The following ADCY2 variants were observed in gnomAD, a reference collection of about 807,000 sequenced individuals.
ADCY2 encodes the protein adenylate cyclase 2.
In ADCY2, 31 loss-of-function variants were observed where a neutral mutation model predicts 125.2. That is an observed-to-expected ratio of 0.25 (90% CI 0.19 to 0.33). The LOEUF (loss-of-function observed/expected upper bound fraction) is 0.33, where lower values mean the gene tolerates loss of function less well. Among genes scored for constraint, ADCY2 ranks in the 10% least tolerant of loss-of-function variants. ADCY2 has a pLI of 1.00. For synonymous variants in ADCY2, 512 were observed against 548.4 expected, an observed-to-expected ratio of 0.93 and a Z score of 0.93; for missense variants, 904 against 1,418.2, an observed-to-expected ratio of 0.64 and a Z score of 5.82.
intron 22 of ADCY2, among the ~76,000 whole-genome samples, chr5:7,808,449 T>C (rs1744826584): frequency 6.6e-6 from 1 of 152,196 alleles, no homozygotes; most frequent in African/African-American, 2.4e-5. Flanking sequence ...CTCTAAATTC[T>C]TTCCCTGACC....
intron 4 of ADCY2, among the ~76,000 whole-genome samples, chr5:7,641,309 T>C (rs1208266008): frequency 6.6e-6 from 1 of 152,156 alleles, no homozygotes; most frequent in Non-Finnish European, 1.5e-5. Flanking sequence ...AATCTCTATC[T>C]ATATTTATTG....
rs766372435 is a variant in ADCY2, at chr5:7,802,091, G to A, written c.2629-127G>A. ...CTGGATTGGGCCGCGGCTGGGGTGG[G>A]GCAAGTGGAGTAGGCATTTGGGCGA... On this transcript the variant is annotated intron_variant, in intron 20 of 24. Transcript: ENST00000338316. This position sits in a 1 kb window ranked among gnomAD's most constrained non-coding sequence, Gnocchi z 4.6. 1.7e-4 allele frequency: 181 copies of A among 1,090,802 alleles called. No individual in the cohort carries two copies. Among genetic ancestry groups the A allele is most frequent in the Non-Finnish European group, 2.2e-4 (167 of 765,056 alleles). 67.6% of individuals were successfully genotyped at this position (1,090,802 alleles called of 1,614,324 possible).
Position 7,789,814 on chromosome 5 carries a change from G to C in ADCY2, c.2628+14G>C. On this transcript the variant is annotated intron_variant, in intron 20 of 24. Coordinates refer to ENST00000338316, the MANE Select transcript of ADCY2 (RefSeq NM_020546.3). ...CTGAAGAATGAGGTCAGACCAGGGG[G>C]GCTGGGGGCTGGGGGAGGGGGCTGG... The C allele has an allele frequency of 1.3e-6, 2 of 1,488,850 alleles. No homozygotes were observed. The highest frequency in any genetic ancestry group is 1.3e-5 in the South Asian group (1 of 78,630). 92.2% of individuals were successfully genotyped at this position (1,488,850 alleles called of 1,614,324 possible).
chr5:7,808,592 G>A (rs556809821), intron 22 of ADCY2, among the ~76,000 whole-genome samples: 47 of 152,264 alleles, frequency 3.1e-4, no homozygotes, highest in African/African-American at 1.0e-3. Context: ...CCATGTTCTA[G>A]GGAAAACAAG....
chr5:7,804,520 T>C, intron 21 of ADCY2, 65 bp from the exon 22 acceptor site: 1 of 1,233,306 alleles, frequency 8.1e-7, no homozygotes, highest in African/African-American at 1.5e-5. Flanking sequence ...AGAATGTCTC[T>C]ATAAAATGCT....
chr5:7,421,492 CA>C (rs1263303698), intron 2 of ADCY2, among the ~76,000 whole-genome samples: 4 of 152,214 alleles, frequency 2.6e-5, no homozygotes, highest in Non-Finnish European at 5.9e-5. Flanking sequence ...TGACACCAAT[CA>C]TATTGGATTA....
intron 2 of ADCY2, among the ~76,000 whole-genome samples, chr5:7,507,704 G>A (rs577068342): frequency 6.6e-6 from 1 of 152,092 alleles, no homozygotes. Flanking sequence ...GTTGGAACGA[G>A]GTGTTTTTGT....
chr5:7,478,256 T>C (rs1041033721), intron 2 of ADCY2, among the ~76,000 whole-genome samples: 10 of 152,296 alleles, frequency 6.6e-5, no homozygotes, highest in South Asian at 2.1e-4. Context: ...AGTTGACCGA[T>C]AACAAAAGGG....
chr5:7,687,407 A>G (rs542355629), intron 4 of ADCY2, among the ~76,000 whole-genome samples: 1 of 152,182 alleles, frequency 6.6e-6, no homozygotes, highest in Non-Finnish European at 1.5e-5. Flanking sequence ...AATGCTTGGA[A>G]AAGTCTGTTA....
chr5:7,653,572 A>C (rs569700846), intron 4 of ADCY2, among the ~76,000 whole-genome samples: 343 of 151,300 alleles, frequency 2.3e-3, no homozygotes, highest in Non-Finnish European at 3.1e-3. Flanking sequence ...GTGCCACTGC[A>C]CTCCAGCCTG....
chr5:7,430,074 A>G (rs1394866934), intron 2 of ADCY2, among the ~76,000 whole-genome samples: 1 of 152,186 alleles, frequency 6.6e-6, no homozygotes, highest in Non-Finnish European at 1.5e-5. Flanking sequence ...AGGAAATATT[A>G]TGAGCAACTC....
intron 4 of ADCY2, among the ~76,000 whole-genome samples, chr5:7,636,970 G>T (rs540025385): frequency 3.3e-5 from 5 of 152,278 alleles, no homozygotes; most frequent in East Asian, 3.9e-4. Flanking sequence ...ATGCCGCGGG[G>T]TTTGTTTGTT....
chr5:7,404,356 C>T (rs949530680), intron 1 of ADCY2, among the ~76,000 whole-genome samples: 9 of 152,180 alleles, frequency 5.9e-5, no homozygotes, highest in African/African-American at 1.7e-4. Flanking sequence ...TCTCCTGTTA[C>T]GTCAGTCAGA....
chr5:7,716,615 G>A (rs528917667), intron 11 of ADCY2, among the ~76,000 whole-genome samples: 6 of 152,212 alleles, frequency 3.9e-5, no homozygotes, highest in Admixed American at 6.5e-5. Flanking sequence ...ATAGAGAAGA[G>A]CCTGCTCATA....
intron 3 of ADCY2, among the ~76,000 whole-genome samples, chr5:7,565,308 G>C (rs1424189946): frequency 6.6e-6 from 1 of 152,214 alleles, no homozygotes; most frequent in Non-Finnish European, 1.5e-5. Flanking sequence ...ACATTTATCA[G>C]AAGTGCTTTC....
intron 18 of ADCY2, among the ~76,000 whole-genome samples, chr5:7,781,504 G>A (rs555047494): frequency 6.6e-6 from 1 of 152,292 alleles, no homozygotes; most frequent in East Asian, 1.9e-4. Flanking sequence ...GCAGGGATTG[G>A]AGTCATGTGG....
chr5:7,507,461 A>AAAAAAAT lies in ADCY2; in HGVS notation c.409-13277_409-13276insAAAAAAT, dbSNP rs374187517. On this transcript the variant is annotated intron_variant, in intron 2 of 24. Coordinates refer to ENST00000338316, the MANE Select transcript of ADCY2 (RefSeq NM_020546.3). ...GTCTCAAAAAAAAAAAAAAAAAAAA[A>AAAAAAAT]GGTAACAAAGCCACTTTTGTAAAAA... Among the ~76,000 whole-genome samples the AAAAAAAT allele has an allele frequency of 7.9e-5, 9 of 114,070 alleles. 2 individuals are homozygous for AAAAAAAT. Among genetic ancestry groups the AAAAAAAT allele is most frequent in the Admixed American group, 1.7e-4 (2 of 11,664 alleles). 74.8% of individuals were successfully genotyped at this position (114,070 alleles called of 152,430 possible). A position where few individuals can be genotyped will look rare whatever the true frequency, so the allele number is the denominator to read the frequency against.
At chr5:7,643,729 A>G (rs552002888) in intron 4 of ADCY2, among the ~76,000 whole-genome samples, 1 of 152,048 alleles carries the variant, frequency 6.6e-6, no homozygotes, top group South Asian at 2.1e-4. Flanking sequence ...ATTTGTGGTA[A>G]GAATTGTTAT....
At chr5:7,607,528 C>T (rs552939808) in intron 3 of ADCY2, among the ~76,000 whole-genome samples, 5 of 152,330 alleles carry the variant, frequency 3.3e-5, no homozygotes, top group South Asian at 2.1e-4. Flanking sequence ...GCCTGCTGCA[C>T]CCCTGAGGAC....
Sources: gnomAD v4.1 joint callset for allele counts (sites outside exome capture counted in the v4.1 genomes callset) on GRCh38, gnomAD v4.1.1 for gene constraint, Gnocchi (gnomAD v3.1) non-coding constraint, MANE v1.5 for transcripts, NCBI Gene and HGNC (gene_info 2026-07-23, HGNC 2026-07-21) for gene names.